Variants in SV2C observed in about 807,000 individuals in gnomAD.
SV2C encodes the protein synaptic vesicle glycoprotein 2C.
In SV2C, 49 loss-of-function variants were observed where a neutral mutation model predicts 79.7. The ratio of observed to expected loss-of-function variants is 0.61; its 90% confidence interval spans 0.49 to 0.78. The LOEUF is 0.78. Among genes scored for constraint, SV2C ranks in the 30% least tolerant of loss-of-function variants. The pLI is 0.00. For synonymous variants in SV2C, 334 were observed against 333.2 expected, an observed-to-expected ratio of 1.00 and a Z score of -0.03; for missense variants, 833 against 912.9, an observed-to-expected ratio of 0.91 and a Z score of 1.13.
the SV2C span, among the ~76,000 whole-genome samples, chr5:75,974,072 G>A: frequency 6.6e-6 from 1 of 151,792 alleles, no homozygotes; most frequent in East Asian, 1.9e-4. Flanking sequence ...TTGTATTCTT[G>A]TCATTATTTT....
chr5:75,929,660 T>C, the SV2C span, among the ~76,000 whole-genome samples: 4 of 152,154 alleles, frequency 2.6e-5, no homozygotes, highest in Non-Finnish European at 4.4e-5. Flanking sequence ...ACTAATTTTA[T>C]TGTAAGTTTT....
At chr5:76,201,176 A>G (rs111611892) in intron 3 of SV2C, among the ~76,000 whole-genome samples, 2 of 152,212 alleles carry the variant, frequency 1.3e-5, no homozygotes, top group Non-Finnish European at 2.9e-5. Context: ...CCAATTACTC[A>G]TCTGTCTATC....
chr5:76,258,292 C>T (rs1579995510), intron 4 of SV2C, among the ~76,000 whole-genome samples: 1 of 152,058 alleles, frequency 6.6e-6, no homozygotes, highest in African/African-American at 2.4e-5. Context: ...TGGTCTACTA[C>T]AGACAATTCT....
At chr5:75,913,555 A>G in the SV2C span, among the ~76,000 whole-genome samples, 1 of 152,228 alleles carries the variant, frequency 6.6e-6, no homozygotes, top group Non-Finnish European at 1.5e-5. Context: ...TAAAGTACGT[A>G]GAGGTCCAAG....
chr5:76,285,424 G>C (rs1232104380), intron 5 of SV2C, 129 bp downstream of exon 5: 1 of 1,374,892 alleles, frequency 7.3e-7, no homozygotes, highest in African/African-American at 1.4e-5. Context: ...ATGATGGAGG[G>C]TTTGGTTTCA....
the SV2C span, among the ~76,000 whole-genome samples, chr5:75,917,058 A>G: frequency 6.6e-6 from 1 of 152,190 alleles, no homozygotes; most frequent in East Asian, 1.9e-4. Context: ...TTGGTAACAC[A>G]GCCTTTATTC....
the SV2C span, among the ~76,000 whole-genome samples, chr5:75,926,276 A>G: frequency 2.0e-5 from 3 of 152,188 alleles, no homozygotes; most frequent in South Asian, 2.1e-4. Context: ...TCCAAGCTGT[A>G]TAGAAGTTTC....
At chr5:75,881,639 G>A in the SV2C span, among the ~76,000 whole-genome samples, 18 of 152,044 alleles carry the variant, frequency 1.2e-4, no homozygotes, top group African/African-American at 1.7e-4. Flanking sequence ...ATTTTCGTAC[G>A]TTGATTTTGT....
the SV2C span, among the ~76,000 whole-genome samples, chr5:75,952,434 G>A: frequency 1.3e-5 from 2 of 151,678 alleles, no homozygotes; most frequent in Admixed American, 6.6e-5. Flanking sequence ...TATTGTGGTC[G>A]TGTGGTTTGG....
chr5:75,988,282 A>G, the SV2C span, among the ~76,000 whole-genome samples: 3 of 152,042 alleles, frequency 2.0e-5, no homozygotes, highest in Non-Finnish European at 4.4e-5. Context: ...ATGTAAATGC[A>G]CATTGCTTTA....
At position 76,107,601 on chromosome 5, in the gene SV2C, C is replaced by T. The variant is rs376189261; in HGVS notation, c.-101-24049C>T. On this transcript the variant is annotated intron_variant, in intron 1 of 12. Transcript: ENST00000502798. ...CGTCTTGGCTGGACATGGTGGCTCA[C>T]GCCTGTAATCCTAGCAGTTTGGGAG... Among the ~76,000 whole-genome samples, 93 of 152,268 alleles carry T rather than the reference C, an allele frequency of 6.1e-4. 1 individual carries two copies. Among genetic ancestry groups the T allele is most frequent in the African/African-American group, 1.9e-3 (81 of 41,562 alleles).
At position 76,253,315 on chromosome 5, in the gene SV2C, G is replaced by A. The variant is rs542908275; in HGVS notation, c.914-31847G>A. On this transcript the variant is annotated intron_variant, in intron 4 of 12. Coordinates refer to ENST00000502798, the MANE Select transcript of SV2C (RefSeq NM_014979.4). ...TTTTGCTTTTTGGTTTTTTTGAGACGAGATCTCACTCTGTCGCCCAGGCTG... is the reference window on the plus strand; with the variant it reads ...TTTTGCTTTTTGGTTTTTTTGAGACAAGATCTCACTCTGTCGCCCAGGCTG... Among the ~76,000 whole-genome samples the A allele has an allele frequency of 3.3e-5, 5 of 151,912 alleles. No individual in the cohort carries two copies. The South Asian group carries it at 6.3e-4, about 19-fold the overall frequency.
At chr5:75,997,491 C>T in the SV2C span, among the ~76,000 whole-genome samples, 21 of 151,946 alleles carry the variant, frequency 1.4e-4, no homozygotes, top group African/African-American at 5.1e-4. Flanking sequence ...GACAAATTTA[C>T]AAGAAAAAAA....
the SV2C span, chr5:75,911,305 G>T: frequency 7.1e-7 from 1 of 1,401,832 alleles, no homozygotes; most frequent in African/African-American, 1.4e-5. Context: ...GAGCCCTTCA[G>T]GGCAGCCTTC....
At chr5:76,078,234 T>C in the SV2C span, among the ~76,000 whole-genome samples, 1 of 152,158 alleles carries the variant, frequency 6.6e-6, no homozygotes, top group African/African-American at 2.4e-5. Flanking sequence ...AAGTCAGCCA[T>C]CACTTGAGAG....
At chr5:76,338,623 A>G (rs141080177), downstream of SV2C, among the ~76,000 whole-genome samples, 1,257 of 151,674 alleles carry the variant, frequency 8.3e-3, 25 homozygotes, top group African/African-American at 0.028. Context: ...CTTCAGTAGA[A>G]GACAACCATA....
At chr5:76,309,529 G>A (rs2112540303) in intron 12 of SV2C, among the ~76,000 whole-genome samples, 1 of 150,650 alleles carries the variant, frequency 6.6e-6, no homozygotes, top group East Asian at 2.0e-4. Context: ...GAACCCGGGA[G>A]GCGGAGCTTG....
the SV2C span, among the ~76,000 whole-genome samples, chr5:75,854,325 A>G: frequency 6.6e-6 from 1 of 152,342 alleles, no homozygotes; most frequent in Non-Finnish European, 1.5e-5. Flanking sequence ...TGCAAAGAAC[A>G]TTCATGTACA....
chr5:76,104,233 G>A (rs180693312), intron 1 of SV2C, among the ~76,000 whole-genome samples: 123 of 152,304 alleles, frequency 8.1e-4, no homozygotes, highest in African/African-American at 2.9e-3. Context: ...CAAGGCCCAC[G>A]GGAAGGGAGC....
Sources: gnomAD v4.1 joint callset for allele counts (sites outside exome capture counted in the v4.1 genomes callset) on GRCh38, gnomAD v4.1.1 for gene constraint, MANE v1.5 for transcripts, NCBI Gene and HGNC (gene_info 2026-07-23, HGNC 2026-07-21) for gene names.